TAF3: variants seen among roughly 807,000 people sequenced by gnomAD.
TAF3 encodes TATA-box binding protein associated factor 3, also known as transcription initiation factor TFIID subunit 3.
TAF3 carries 7 observed loss-of-function variants against 80.6 expected under a neutral mutation model. That is an observed-to-expected ratio of 0.09 (90% confidence interval 0.05 to 0.16). The LOEUF (loss-of-function observed/expected upper bound fraction) is 0.16, where lower values mean the gene tolerates loss of function less well. TAF3 is among the 10% of genes least tolerant of loss of function. TAF3 has a pLI of 1.00. For synonymous variants in TAF3, 444 were observed against 446.1 expected, an observed-to-expected ratio of 1.00 and a Z score of 0.06; for missense variants, 921 against 1,140.2, an observed-to-expected ratio of 0.81 and a Z score of 2.77.
chr10:7,961,500 C>A (rs1838189452), intron 2 of TAF3, among the ~76,000 whole-genome samples: 1 of 152,202 alleles, frequency 6.6e-6, no homozygotes, highest in South Asian at 2.1e-4. Context: ...CTCCCTTGAT[C>A]TCTTTGACAT....
intron 2 of TAF3, among the ~76,000 whole-genome samples, chr10:7,850,764 T>C (rs948139212): frequency 6.6e-6 from 1 of 152,070 alleles, no homozygotes; most frequent in East Asian, 1.9e-4. Context: ...ACAATACATA[T>C]TCTAATATTT....
At chr10:7,851,422 C>A (rs1837025637) in intron 2 of TAF3, among the ~76,000 whole-genome samples, 1 of 152,080 alleles carries the variant, frequency 6.6e-6, no homozygotes, top group Admixed American at 6.5e-5. Context: ...AGAGGTAGCA[C>A]CAGAGATCAT....
intron 4 of TAF3, among the ~76,000 whole-genome samples, chr10:7,979,356 A>G (rs1275747386): frequency 2.0e-5 from 2 of 100,926 alleles, no homozygotes; most frequent in East Asian, 6.2e-4. Context: ...AAAATGAAAA[A>G]AAAATGAAAA....
At chr10:7,915,415 C>A (rs1006707118) in intron 2 of TAF3, among the ~76,000 whole-genome samples, 2 of 143,054 alleles carry the variant, frequency 1.4e-5, no homozygotes, top group African/African-American at 5.2e-5. Flanking sequence ...GAGGCCGAGA[C>A]GGGTGGATCA....
intron 2 of TAF3, among the ~76,000 whole-genome samples, chr10:7,946,932 T>C (rs1261885234): frequency 6.6e-6 from 1 of 152,158 alleles, no homozygotes; most frequent in Non-Finnish European, 1.5e-5. Flanking sequence ...AAAATAATTA[T>C]TTGTTTGTTT....
At chr10:7,819,201 C>T (rs1165359407) in intron 1 of TAF3, among the ~76,000 whole-genome samples, 1 of 152,014 alleles carries the variant, frequency 6.6e-6, no homozygotes. Context: ...GGTAGATCCA[C>T]CCCCAGCGTG....
intron 4 of TAF3, among the ~76,000 whole-genome samples, chr10:7,982,815 C>T (rs1006704532): frequency 6.6e-6 from 1 of 152,158 alleles, no homozygotes; most frequent in African/African-American, 2.4e-5. Flanking sequence ...TGGTGTCCTC[C>T]ACAGCGGTTT....
At chr10:7,955,149 AG>A (rs1838123357) in intron 2 of TAF3, among the ~76,000 whole-genome samples, 1 of 152,252 alleles carries the variant, frequency 6.6e-6, no homozygotes, top group East Asian at 1.9e-4. Context: ...ACGAATAGAA[AG>A]GTATTTTTTG....
chr10:7,831,636 G>C (rs192703702), intron 2 of TAF3, among the ~76,000 whole-genome samples: 13 of 152,288 alleles, frequency 8.5e-5, no homozygotes, highest in Non-Finnish European at 1.6e-4. Context: ...GAGCTACCGT[G>C]CCCGGCCTCA....
At chr10:7,895,739 A>G (rs563417436) in intron 2 of TAF3, among the ~76,000 whole-genome samples, 32 of 152,202 alleles carry the variant, frequency 2.1e-4, no homozygotes, top group East Asian at 5.8e-4. Context: ...ATCTACAGTT[A>G]TAGAATTTTT....
In TAF3 at chr10:7,964,091, G is replaced by A. The variant is rs1588568427; in HGVS notation, c.581G>A (p.Arg194Gln). 3.1e-6 allele frequency: 5 copies of A among 1,614,020 alleles called. No individual in the cohort carries two copies. The highest frequency in any genetic ancestry group is 1.3e-5 in the African/African-American group (1 of 74,974). The change falls in exon 3 of 7, where the codon CGG (arginine) becomes CAG (glutamine). Residue 194 changes from arginine (R) to glutamine (Q), a missense_variant. Physicochemically the swap from Arg to Gln is conservative, Grantham distance 43. This residue lies in a region of TAF3 where 743 missense variants were observed against 821.0 expected (regional missense o/e 0.90). Transcript: ENST00000344293. This position sits in a 1 kb window ranked among gnomAD's most constrained non-coding sequence, Gnocchi z 4.1. The stretch of plus-strand genomic sequence containing the variant: ...GCTGAAGAACTGCCAGCCATGAAGC[G>A]GCCTCGGCTATTAAGCACTAAAGGG... ...PEAEELPAMK[R>Q]PRLLSTKGDT... is the part of the protein sequence containing the mutation.
chr10:8,012,828 G>A (rs910643829), intron 5 of TAF3, among the ~76,000 whole-genome samples: 3 of 152,208 alleles, frequency 2.0e-5, no homozygotes, highest in African/African-American at 7.2e-5. Context: ...TCTAGTCAGT[G>A]TGGTATTTGA....
intron 4 of TAF3, among the ~76,000 whole-genome samples, chr10:7,993,579 T>C (rs1463892546): frequency 6.6e-6 from 1 of 152,240 alleles, no homozygotes; most frequent in Admixed American, 6.5e-5. Context: ...CTTCGTAGTG[T>C]CATTTAAATT....
intron 2 of TAF3, among the ~76,000 whole-genome samples, chr10:7,870,267 T>C (rs1837252397): frequency 6.6e-6 from 1 of 152,212 alleles, no homozygotes; most frequent in Non-Finnish European, 1.5e-5. Flanking sequence ...CATCAGTCAT[T>C]GGTTGTACTT....
rs1832038731 is a variant in TAF3, at chr10:8,009,971, G to T, written c.2568+641G>T. 6.6e-6 allele frequency among the ~76,000 whole-genome samples: 1 copy of T among 151,638 alleles called. No homozygotes were observed. Among genetic ancestry groups the T allele is most frequent in the African/African-American group, 2.4e-5 (1 of 41,206 alleles). On this transcript the variant is annotated intron_variant, in intron 5 of 6. Coordinates refer to ENST00000344293, the MANE Select transcript of TAF3 (RefSeq NM_031923.4). The surrounding 1 kb of genome is among the most constrained non-coding windows in gnomAD (Gnocchi z 4.1). Reference sequence around the variant, plus strand: ...CTGTCACCGAGGCTGGAGTGCAGTGGTACGATCTCGGCTCACTGCAGCCCC... The same window carrying T: ...CTGTCACCGAGGCTGGAGTGCAGTGTTACGATCTCGGCTCACTGCAGCCCC...
intron 2 of TAF3, among the ~76,000 whole-genome samples, chr10:7,915,027 G>C (rs1296496422): frequency 7.3e-6 from 1 of 136,326 alleles, no homozygotes; most frequent in African/African-American, 2.8e-5. Flanking sequence ...TGCAAGCTCC[G>C]CCTCCTGGGT....
At chr10:7,830,473 C>CTTTTTTTTTTTTTT (rs1176707860) in intron 2 of TAF3, among the ~76,000 whole-genome samples, 7 of 57,678 alleles carry the variant, frequency 1.2e-4, no homozygotes, top group African/African-American at 2.7e-4. Context: ...CTTTACATGT[C>CTTTTTTTTTTTTTT]TTTTTTTTTT....
intron 2 of TAF3, among the ~76,000 whole-genome samples, chr10:7,866,080 C>T (rs565733864): frequency 6.6e-6 from 1 of 152,188 alleles, no homozygotes; most frequent in African/African-American, 2.4e-5. Context: ...AAAGGAAACA[C>T]TTAATAGCAG....
At chr10:7,860,130 G>A (rs999063712) in intron 2 of TAF3, among the ~76,000 whole-genome samples, 1 of 151,952 alleles carries the variant, frequency 6.6e-6, no homozygotes, top group Non-Finnish European at 1.5e-5. Flanking sequence ...AAATTAGCTG[G>A]GTGTGATGGT....
Sources: gnomAD v4.1 joint callset for allele counts (sites outside exome capture counted in the v4.1 genomes callset) on GRCh38, gnomAD v4.1.1 for gene constraint, gnomAD v4.1.1 regional missense constraint, Gnocchi (gnomAD v3.1) non-coding constraint, MANE v1.5 for transcripts, NCBI Gene and HGNC (gene_info 2026-07-23, HGNC 2026-07-21) for gene names.